The following ZFHX3 variants were observed in gnomAD, a reference collection of about 807,000 sequenced individuals.
ZFHX3 encodes zinc finger homeobox protein 3.
Under a neutral mutation model 279.1 loss-of-function variants are expected in ZFHX3, and 42 were observed. The observed-to-expected ratio is 0.15, with a 90% CI of 0.12 to 0.19. ZFHX3 has a LOEUF of 0.19. Among genes scored for constraint, ZFHX3 ranks in the 10% least tolerant of loss-of-function variants. The pLI, the probability that ZFHX3 is intolerant of heterozygous loss-of-function variation, is 1.00. For synonymous variants in ZFHX3, 2,293 were observed against 1,957.8 expected, an observed-to-expected ratio of 1.17 and a Z score of -4.52; for missense variants, 4,981 against 4,754.0, an observed-to-expected ratio of 1.05 and a Z score of -1.40.
intron 3 of ZFHX3, among the ~76,000 whole-genome samples, chr16:73,363,604 T>C (rs1238336069): frequency 6.6e-6 from 1 of 151,934 alleles, no homozygotes; most frequent in East Asian, 1.9e-4. Context: ...GATAAATAAA[T>C]AAAATAGAAA....
At chr16:73,326,129 C>T (rs1436831482) in intron 3 of ZFHX3, among the ~76,000 whole-genome samples, 1 of 152,168 alleles carries the variant, frequency 6.6e-6, no homozygotes, top group Non-Finnish European at 1.5e-5. Context: ...AGCGGCATGC[C>T]CATGGTCTCA....
At chr16:73,243,034 G>C (rs936651991) in intron 5 of ZFHX3, among the ~76,000 whole-genome samples, 4 of 152,224 alleles carry the variant, frequency 2.6e-5, no homozygotes, top group Admixed American at 2.0e-4. Context: ...AGGCTGGAGT[G>C]TGTGGTTAAA....
chr16:73,680,931 C>T (rs8055291), intron 1 of ZFHX3, among the ~76,000 whole-genome samples: 32,096 of 151,864 alleles, frequency 0.21, 3,476 homozygotes, highest in Non-Finnish European at 0.22. Flanking sequence ...ACAGAGTATA[C>T]GGGAAAGATA....
intron 2 of ZFHX3, among the ~76,000 whole-genome samples, chr16:73,664,616 T>G (rs1994001): frequency 0.97 from 148,045 of 152,262 alleles, 71,996 homozygotes; most frequent in East Asian, 1. Flanking sequence ...ACAAGGAGCA[T>G]CCATATTCAT....
intron 7 of ZFHX3, among the ~76,000 whole-genome samples, chr16:73,112,671 G>A (rs553279880): frequency 1.3e-4 from 17 of 133,994 alleles, no homozygotes; most frequent in Middle Eastern, 4.4e-3. Flanking sequence ...AGCTGAGATC[G>A]CGCCACTGCA....
chr16:73,483,555 C>A, intron 2 of ZFHX3: 1 of 353,568 alleles, frequency 2.8e-6, no homozygotes, highest in Non-Finnish European at 5.5e-6. Context: ...CTCTGCAAAT[C>A]CGTCAGCTGC....
intron 4 of ZFHX3, among the ~76,000 whole-genome samples, chr16:73,309,528 G>T (rs917561943): frequency 1.3e-5 from 2 of 152,214 alleles, no homozygotes; most frequent in Admixed American, 1.3e-4. Context: ...AACCCATGAG[G>T]GGGTTGTGGG....
chr16:73,710,925 A>C (rs1428829828), intron 1 of ZFHX3, among the ~76,000 whole-genome samples: 1 of 152,154 alleles, frequency 6.6e-6, no homozygotes, highest in Admixed American at 6.5e-5. Context: ...CAATATTAAC[A>C]GTCACTTCCA....
intron 3 of ZFHX3, among the ~76,000 whole-genome samples, chr16:72,950,082 G>A (rs1420594908): frequency 1.2e-4 from 17 of 136,118 alleles, no homozygotes; most frequent in South Asian, 4.7e-4. Flanking sequence ...AGGAGAAATA[G>A]AAAAAAAAAA....
At chr16:73,643,135 AAC>A (rs2052588469) in intron 2 of ZFHX3, among the ~76,000 whole-genome samples, 1 of 152,224 alleles carries the variant, frequency 6.6e-6, no homozygotes, top group African/African-American at 2.4e-5. Context: ...AAAGAACTAA[AAC>A]AATATTTTAG....
At chr16:73,373,123 G>A (rs1021602783) in intron 3 of ZFHX3, among the ~76,000 whole-genome samples, 1 of 103,712 alleles carries the variant, frequency 9.6e-6, no homozygotes, top group Non-Finnish European at 1.9e-5. Context: ...TATATTTGTG[G>A]GGCGCTGGTG....
chr16:72,851,158 G>C (rs373158922), intron 4 of ZFHX3, among the ~76,000 whole-genome samples: 1 of 152,130 alleles, frequency 6.6e-6, no homozygotes, highest in Non-Finnish European at 1.5e-5. Flanking sequence ...GGAGAGTCCT[G>C]AGCAGACAGG....
intron 5 of ZFHX3, among the ~76,000 whole-genome samples, chr16:72,815,145 C>T (rs2036568223): frequency 6.6e-6 from 1 of 152,132 alleles, no homozygotes; most frequent in Non-Finnish European, 1.5e-5. Context: ...CAGTGGCTCA[C>T]GCCTGTAATC....
chr16:73,613,200 C>G (rs1238468090), intron 2 of ZFHX3, among the ~76,000 whole-genome samples: 2 of 152,050 alleles, frequency 1.3e-5, no homozygotes, highest in African/African-American at 2.4e-5. Flanking sequence ...GTCTATGGGT[C>G]GAAACAATTT....
intron 3 of ZFHX3, among the ~76,000 whole-genome samples, chr16:73,339,526 C>A (rs2015987748): frequency 6.6e-6 from 1 of 152,194 alleles, no homozygotes; most frequent in African/African-American, 2.4e-5. Flanking sequence ...TGTATAAAGT[C>A]TATTTCGTCT....
At chr16:73,839,280 T>C (rs1328138643) in intron 1 of ZFHX3, among the ~76,000 whole-genome samples, 4 of 119,694 alleles carry the variant, frequency 3.3e-5, no homozygotes, top group Admixed American at 1.2e-4. Context: ...GAGAATGGCA[T>C]GAACCCAGGA....
intron 5 of ZFHX3, among the ~76,000 whole-genome samples, chr16:72,820,656 C>T (rs1214817153): frequency 3.3e-5 from 5 of 152,322 alleles, no homozygotes; most frequent in Non-Finnish European, 7.3e-5. Context: ...ATGCTGTCTT[C>T]CCCTGGCATA....
chr16:73,588,720 A>T (rs919445041), intron 2 of ZFHX3, among the ~76,000 whole-genome samples: 25 of 151,244 alleles, frequency 1.7e-4, no homozygotes, highest in Non-Finnish European at 3.2e-4. Flanking sequence ...AAAAAAAAAA[A>T]ACAAGAAAAC....
chr16:73,714,287 T>G (rs974940075), intron 1 of ZFHX3, among the ~76,000 whole-genome samples: 1 of 152,092 alleles, frequency 6.6e-6, no homozygotes, highest in African/African-American at 2.4e-5. Flanking sequence ...AATTGTTCGC[T>G]CTCCCCCATC....
Sources: allele counts gnomAD v4.1 joint callset (sites outside exome capture counted in the v4.1 genomes callset), GRCh38; gene constraint gnomAD v4.1.1; transcripts MANE v1.5; gene names NCBI Gene and HGNC (gene_info 2026-07-23, HGNC 2026-07-21).